Variants in EYA1 observed in about 807,000 individuals in gnomAD.
The protein encoded by EYA1 is protein phosphatase EYA1.
A neutral mutation model predicts 82.0 loss-of-function variants in EYA1; 16 were observed. That is an observed-to-expected ratio of 0.20 (90% CI 0.13 to 0.30). The LOEUF (loss-of-function observed/expected upper bound fraction) is 0.30. Ranked by LOEUF, EYA1 falls within the 10% of genes least tolerant of loss-of-function variation. The pLI is 1.00. For synonymous variants in EYA1, 261 were observed against 264.4 expected (o/e 0.99, Z 0.12); for missense variants, 633 against 730.7 (o/e 0.87, Z 1.54).
intron 2 of EYA1, among the ~76,000 whole-genome samples, chr8:71,369,030 T>TAAA (rs1827927354): frequency 8.4e-5 from 2 of 23,904 alleles, no homozygotes; most frequent in Admixed American, 3.6e-4. Flanking sequence ...CTACTAAAAA[T>TAAA]ACAAAAAAAA....
chr8:71,397,660 T>G (rs901282090), intron 2 of EYA1, among the ~76,000 whole-genome samples: 7 of 152,262 alleles, frequency 4.6e-5, no homozygotes, highest in Non-Finnish European at 7.3e-5. Context: ...AGAGATCCAC[T>G]GTTAGTCTGA....
chr8:71,352,954 T>G (rs1199447757), intron 3 of EYA1, among the ~76,000 whole-genome samples: 1 of 152,182 alleles, frequency 6.6e-6, no homozygotes, highest in African/African-American at 2.4e-5. Context: ...GTTGAGAAAA[T>G]GAAAACTTCT....
intron 9 of EYA1, among the ~76,000 whole-genome samples, chr8:71,272,180 T>A (rs903087042): frequency 3.9e-5 from 6 of 152,184 alleles, no homozygotes; most frequent in African/African-American, 1.4e-4. Flanking sequence ...TCTCTGTGAT[T>A]AGAGAACGCT....
chr8:71,411,669 C>A (rs1189648666), intron 2 of EYA1, among the ~76,000 whole-genome samples: 1 of 150,606 alleles, frequency 6.6e-6, no homozygotes, highest in Non-Finnish European at 1.5e-5. Context: ...CAAATCAAAA[C>A]CACTATGAGA....
At chr8:71,541,670 GT>G (rs1326161195) in intron 1 of EYA1, among the ~76,000 whole-genome samples, 1 of 152,208 alleles carries the variant, frequency 6.6e-6, no homozygotes, top group East Asian at 1.9e-4. Flanking sequence ...ATTTGAGAAA[GT>G]GGTATGTACA....
chr8:71,490,295 G>A (rs1810897048), intron 2 of EYA1, among the ~76,000 whole-genome samples: 1 of 152,140 alleles, frequency 6.6e-6, no homozygotes, highest in Non-Finnish European at 1.5e-5. Context: ...TTCCTGAAGG[G>A]AGATGATTCT....
chr8:71,376,533 G>C (rs1475050537), intron 2 of EYA1, among the ~76,000 whole-genome samples: 1 of 152,188 alleles, frequency 6.6e-6, no homozygotes, highest in African/African-American at 2.4e-5. Flanking sequence ...GCAAATTAGA[G>C]GGTTATTGTA....
intron 2 of EYA1, among the ~76,000 whole-genome samples, chr8:71,389,845 G>A (rs1386200904): frequency 6.6e-6 from 1 of 152,124 alleles, no homozygotes; most frequent in African/African-American, 2.4e-5. Context: ...AGATCTGTAG[G>A]TTAATACTCA....
chr8:71,502,631 C>G (rs1390768464), intron 2 of EYA1, among the ~76,000 whole-genome samples: 1 of 152,180 alleles, frequency 6.6e-6, no homozygotes, highest in East Asian at 1.9e-4. Context: ...TGCATTTTAT[C>G]TGGCAACTCT....
At chr8:71,262,425 A>G (rs1815242303) in intron 11 of EYA1, among the ~76,000 whole-genome samples, 1 of 151,706 alleles carries the variant, frequency 6.6e-6, no homozygotes, top group Non-Finnish European at 1.5e-5. Flanking sequence ...CCTCCTCTGA[A>G]CCCCCAAAGT....
intron 9 of EYA1, among the ~76,000 whole-genome samples, chr8:71,283,517 A>T (rs60972351): frequency 0.096 from 14,417 of 150,914 alleles, 831 homozygotes; most frequent in Non-Finnish European, 0.13. Flanking sequence ...AACATATCAG[A>T]GGCTCGTTAA....
intron 2 of EYA1, among the ~76,000 whole-genome samples, chr8:71,411,823 A>G (rs1248818428): frequency 6.8e-6 from 1 of 146,634 alleles, no homozygotes; most frequent in East Asian, 2.0e-4. Context: ...CAGTGTGGCG[A>G]TTCCTCAGGG....
chr8:71,435,246 A>G (rs538330230), intron 2 of EYA1, among the ~76,000 whole-genome samples: 1 of 152,198 alleles, frequency 6.6e-6, no homozygotes, highest in Admixed American at 6.5e-5. Flanking sequence ...AATCTCTTAC[A>G]TTGCAATACT....
intron 2 of EYA1, among the ~76,000 whole-genome samples, chr8:71,473,029 A>C (rs184548102): frequency 6.6e-6 from 1 of 151,882 alleles, no homozygotes; most frequent in African/African-American, 2.4e-5. Context: ...CTTAGATAAA[A>C]ATGAGTCCAA....
At chr8:71,389,104 G>A (rs1829130803) in intron 2 of EYA1, among the ~76,000 whole-genome samples, 1 of 151,894 alleles carries the variant, frequency 6.6e-6, no homozygotes, top group Non-Finnish European at 1.5e-5. Context: ...GGCAGAGAGA[G>A]AGGGAGAAAG....
chr8:71,276,066 C>T (rs907616685), intron 9 of EYA1, among the ~76,000 whole-genome samples: 11 of 152,172 alleles, frequency 7.2e-5, no homozygotes, highest in African/African-American at 2.7e-4. Context: ...GATTTTGCAT[C>T]AGGATATGAA....
chr8:71,369,408 G>A (rs958455400), intron 2 of EYA1, among the ~76,000 whole-genome samples: 3 of 152,166 alleles, frequency 2.0e-5, no homozygotes, highest in African/African-American at 7.2e-5. Context: ...AGAGATTCAA[G>A]TGAATTCTAA....
At chr8:71,383,234 G>A (rs1828808144) in intron 2 of EYA1, among the ~76,000 whole-genome samples, 1 of 151,904 alleles carries the variant, frequency 6.6e-6, no homozygotes, top group African/African-American at 2.4e-5. Flanking sequence ...TGGAGCAATG[G>A]GAATTCTTAC....
chr8:71,204,776 A>C (rs1332148219), intron 17 of EYA1, among the ~76,000 whole-genome samples: 1 of 152,242 alleles, frequency 6.6e-6, no homozygotes, highest in African/African-American at 2.4e-5. Context: ...AATACTTTTC[A>C]AATTGTAAAG....
Sources: allele counts gnomAD v4.1 joint callset (sites outside exome capture counted in the v4.1 genomes callset), GRCh38; gene constraint gnomAD v4.1.1; transcripts MANE v1.5; gene names NCBI Gene and HGNC (gene_info 2026-07-23, HGNC 2026-07-21).